Variants in PCDH9 observed in about 807,000 individuals in gnomAD.
The protein encoded by PCDH9 is protocadherin-9.
PCDH9 carries 24 observed loss-of-function variants against 70.6 expected under a neutral mutation model. The ratio of observed to expected loss-of-function variants is 0.34; its 90% CI spans 0.25 to 0.48. The LOEUF is 0.48. PCDH9 is among the 20% of genes least tolerant of loss of function. The pLI is 0.99. For missense variants in PCDH9, 1,281 were observed against 1,503.6 expected (o/e 0.85, Z 2.45); for synonymous variants, 562 against 558.5 (o/e 1.01, Z -0.09).
chr13:66,821,764 C>T (rs950238592), intron 3 of PCDH9, among the ~76,000 whole-genome samples: 1 of 152,142 alleles, frequency 6.6e-6, no homozygotes, highest in African/African-American at 2.4e-5. Context: ...GTGGTTCATT[C>T]AATTCCCCAT....
intron 4 of PCDH9, among the ~76,000 whole-genome samples, chr13:66,592,626 C>T (rs1212504855): frequency 6.6e-6 from 1 of 151,648 alleles, no homozygotes; most frequent in Non-Finnish European, 1.5e-5. Context: ...GTGTTTTATT[C>T]CAGATACATG....
At chr13:66,622,625 A>C (rs1307091199) in intron 4 of PCDH9, among the ~76,000 whole-genome samples, 1 of 152,128 alleles carries the variant, frequency 6.6e-6, no homozygotes, top group Non-Finnish European at 1.5e-5. Context: ...GTATCTAGCT[A>C]ATCTGGTGGC....
rs574165003 is a variant in PCDH9 at position 66,611,808 on chromosome 13, C to T, written c.3340+19402G>A. On this transcript the variant is annotated intron_variant, in intron 4 of 4. Transcript: ENST00000377865. ...CTTCAATTTTCATAATAACAGCTAACATAATTGAAGACTTATTATTAACCT... is the reference window on the plus strand; with the variant it reads ...CTTCAATTTTCATAATAACAGCTAATATAATTGAAGACTTATTATTAACCT... Among the ~76,000 whole-genome samples, 3 of 152,266 alleles carry T rather than the reference C, an allele frequency of 2.0e-5. No homozygotes were observed. In the South Asian group the frequency reaches 6.2e-4, roughly 32 times the overall value.
chr13:66,998,088 T>C (rs1348219120), intron 2 of PCDH9, among the ~76,000 whole-genome samples: 1 of 152,112 alleles, frequency 6.6e-6, no homozygotes, highest in African/African-American at 2.4e-5. Flanking sequence ...GAAAATTTTA[T>C]ATGAAGAATT....
chr13:66,485,926 C>A (rs970536078), intron 4 of PCDH9, among the ~76,000 whole-genome samples: 1 of 151,874 alleles, frequency 6.6e-6, no homozygotes, highest in African/African-American at 2.4e-5. Context: ...TGGGGTTTCA[C>A]CATGTTGGCC....
chr13:66,342,669 C>T (rs1441475966), intron 4 of PCDH9, among the ~76,000 whole-genome samples: 1 of 152,080 alleles, frequency 6.6e-6, no homozygotes, highest in Non-Finnish European at 1.5e-5. Flanking sequence ...GTCACCCAGG[C>T]TGAACTGCAG....
At chr13:66,916,904 C>G (rs1054370804) in intron 2 of PCDH9, among the ~76,000 whole-genome samples, 1 of 151,468 alleles carries the variant, frequency 6.6e-6, no homozygotes, top group African/African-American at 2.4e-5. Flanking sequence ...ACACATACAC[C>G]TAATAAAGTG....
At chr13:67,174,373 T>C (rs540055501) in intron 2 of PCDH9, among the ~76,000 whole-genome samples, 49 of 151,938 alleles carry the variant, frequency 3.2e-4, no homozygotes, top group African/African-American at 1.2e-3. Context: ...GAAAAATTTA[T>C]CGCTTATTAA....
chr13:66,431,165 C>A lies in PCDH9; in HGVS notation c.3341-126137G>T, dbSNP rs118145783. ...CTGTGTCTATAATAGTTCATAGATT[C>A]CAACTACCACATATTCTATTCAAAG... On this transcript the variant is annotated intron_variant, in intron 4 of 4. Transcript: ENST00000377865. Among the ~76,000 whole-genome samples the A allele has an allele frequency of 3.4e-3, 521 of 152,026 alleles. 12 individuals are homozygous for A. The East Asian group carries it at 0.043, about 13-fold the overall frequency.
rs536623656 is a variant in PCDH9 at position 67,156,901 on chromosome 13, C to T, written c.3036+68504G>A. 3.3e-5 allele frequency among the ~76,000 whole-genome samples: 5 copies of T among 152,312 alleles called. No homozygotes were observed. In the South Asian group the frequency reaches 1.0e-3, roughly 32 times the overall value. On this transcript the variant is annotated intron_variant, in intron 2 of 4. Coordinates refer to ENST00000377865, the MANE Select transcript of PCDH9 (RefSeq NM_203487.3). ...GTGGGGCACTGGAGAGCCACACCCA[C>T]ATCGCATGCCCTGCCGGGGGACTAC...
intron 2 of PCDH9, among the ~76,000 whole-genome samples, chr13:67,037,945 T>G (rs1345255900): frequency 6.6e-6 from 1 of 152,168 alleles, no homozygotes; most frequent in East Asian, 1.9e-4. Flanking sequence ...GAAGAAATGT[T>G]TTTCTGAGCA....
intron 2 of PCDH9, among the ~76,000 whole-genome samples, chr13:67,019,611 C>T (rs1204081056): frequency 6.6e-6 from 1 of 152,166 alleles, no homozygotes; most frequent in African/African-American, 2.4e-5. Context: ...AGGGAAGGCA[C>T]TGTAGTCTTT....
intron 3 of PCDH9, among the ~76,000 whole-genome samples, chr13:66,737,866 T>C (rs1473671493): frequency 1.3e-5 from 2 of 151,996 alleles, no homozygotes; most frequent in African/African-American, 2.4e-5. Context: ...ATCTCGTTGA[T>C]TGCTAGCACA....
rs184212290 is a variant in PCDH9 at position 66,548,267 on chromosome 13, A to T, written c.3340+82943T>A. ...TTTTTTTCTTATTTAAAATTTTTTTAAAAAACACTTTCTTAGGCCAGGCAT... is the reference window on the plus strand; with the variant it reads ...TTTTTTTCTTATTTAAAATTTTTTTTAAAAACACTTTCTTAGGCCAGGCAT... On this transcript the variant is annotated intron_variant, in intron 4 of 4. Coordinates refer to ENST00000377865, the MANE Select transcript of PCDH9 (RefSeq NM_203487.3). 3.8e-3 allele frequency among the ~76,000 whole-genome samples: 574 copies of T among 152,172 alleles called. 3 individuals carry two copies. Among genetic ancestry groups the T allele is most frequent in the African/African-American group, 0.013 (542 of 41,524 alleles).
intron 3 of PCDH9, among the ~76,000 whole-genome samples, chr13:66,887,681 A>T (rs2082030408): frequency 6.6e-6 from 1 of 152,210 alleles, no homozygotes; most frequent in Admixed American, 6.5e-5. Flanking sequence ...ATATTATGTA[A>T]GAAATATGTT....
chr13:66,789,680 C>T (rs766137192), intron 3 of PCDH9, among the ~76,000 whole-genome samples: 8 of 152,040 alleles, frequency 5.3e-5, no homozygotes, highest in African/African-American at 9.7e-5. Flanking sequence ...TGTGTATCCC[C>T]GTTTTATGCT....
At chr13:66,773,587 G>A (rs1217318015) in intron 3 of PCDH9, among the ~76,000 whole-genome samples, 1 of 150,794 alleles carries the variant, frequency 6.6e-6, no homozygotes, top group African/African-American at 2.4e-5. Context: ...CCGAGATTGC[G>A]CTACTGCACT....
chr13:66,805,005 C>A (rs1027134237), intron 3 of PCDH9, among the ~76,000 whole-genome samples: 1 of 152,082 alleles, frequency 6.6e-6, no homozygotes, highest in African/African-American at 2.4e-5. Flanking sequence ...ACAGGAGATC[C>A]ATGGAAGGGG....
At chr13:66,331,379 T>C (rs1266031977) in intron 4 of PCDH9, among the ~76,000 whole-genome samples, 2 of 152,104 alleles carry the variant, frequency 1.3e-5, no homozygotes, top group Non-Finnish European at 2.9e-5. Flanking sequence ...ATGGGAGCCC[T>C]CTGGCCCCGA....
Sources: gnomAD v4.1 joint callset for allele counts (sites outside exome capture counted in the v4.1 genomes callset) on GRCh38, gnomAD v4.1.1 for gene constraint, MANE v1.5 for transcripts, NCBI Gene and HGNC (gene_info 2026-07-23, HGNC 2026-07-21) for gene names.